AMTN: variants seen among roughly 807,000 people sequenced by gnomAD.
The protein encoded by AMTN is amelotin.
Under a neutral mutation model 27.4 loss-of-function variants are expected in AMTN, and 29 were observed. The observed-to-expected ratio is 1.06, with a 90% CI of 0.79 to 1.44. AMTN has a LOEUF of 1.44. Among genes scored for constraint, AMTN ranks in the 40% most tolerant of loss-of-function variants. The pLI is 0.00. For synonymous variants in AMTN, 86 were observed against 95.7 expected, an observed-to-expected ratio of 0.90 and a Z score of 0.59; for missense variants, 247 against 248.8, an observed-to-expected ratio of 0.99 and a Z score of 0.05.
At chr4:70,528,009 T>C (rs1313555679) in intron 5 of AMTN, among the ~76,000 whole-genome samples, 3 of 152,208 alleles carry the variant, frequency 2.0e-5, no homozygotes, top group African/African-American at 4.8e-5. Context: ...ACTAAGTATA[T>C]ATACCTCAAG....
intron 2 of AMTN, among the ~76,000 whole-genome samples, chr4:70,520,171 G>A (rs1282837278): frequency 6.6e-6 from 1 of 152,204 alleles, no homozygotes; most frequent in East Asian, 1.9e-4. Flanking sequence ...GGTGGGCTGA[G>A]GTGGAGCAGG....
intron 2 of AMTN, among the ~76,000 whole-genome samples, chr4:70,519,126 T>A (rs911659491): frequency 1.3e-5 from 2 of 152,232 alleles, no homozygotes; most frequent in African/African-American, 4.8e-5. Flanking sequence ...AGTGGATGAT[T>A]ATTTTATTTT....
At chr4:70,526,674 T>TCTAAC (rs1414579834) in intron 5 of AMTN, among the ~76,000 whole-genome samples, 2 of 152,324 alleles carry the variant, frequency 1.3e-5, no homozygotes, top group Admixed American at 6.5e-5. Context: ...GTTGCCCTCC[T>TCTAAC]CTAACCTTGA....
At chr4:70,530,580 A>G (rs1397208607) in intron 7 of AMTN, among the ~76,000 whole-genome samples, 3 of 152,200 alleles carry the variant, frequency 2.0e-5, no homozygotes, top group African/African-American at 7.2e-5. Flanking sequence ...GAAAAACTCC[A>G]ATAGACAGGA....
chr4:70,531,362 G>T (rs1230779311), intron 8 of AMTN, 62 bp downstream of exon 8: 3 of 1,594,208 alleles, frequency 1.9e-6, no homozygotes, highest in East Asian at 2.2e-5. Context: ...GAATGGAAAA[G>T]AGGAGTTCTT....
At chr4:70,528,808 A>T in intron 6 of AMTN, 50 bp downstream of exon 6, 1 of 1,485,850 alleles carries the variant, frequency 6.7e-7, no homozygotes, top group Non-Finnish European at 9.1e-7. Context: ...CTTGCTGTGA[A>T]AGGTGATTTT....
At position 70,524,034 on chromosome 4, in the gene AMTN, A is replaced by C. The variant is rs996032212; in HGVS notation, c.204+101A>C. ...TGTATATGGGTGCGTATATCCACAA[A>C]TGAAAACACACATATACTTATTCAC... is the stretch of plus-strand genomic sequence containing the variant. On this transcript the variant is annotated intron_variant, in intron 4 of 8. Coordinates refer to ENST00000339336, the MANE Select transcript of AMTN (RefSeq NM_212557.4). The C allele has an allele frequency of 3.4e-5, 31 of 900,524 alleles. No individual in the cohort carries two copies. The South Asian group carries it at 4.8e-4, about 14-fold the overall frequency. 55.8% of individuals were successfully genotyped at this position (900,524 alleles called of 1,614,324 possible). A position where few individuals can be genotyped will look rare whatever the true frequency, so the allele number is the denominator to read the frequency against.
chr4:70,524,881 G>A lies in AMTN; in HGVS notation c.214G>A (p.Ala72Thr). The A allele has an allele frequency of 6.2e-7, 1 of 1,613,950 alleles. No homozygotes were observed. The highest frequency in any genetic ancestry group is 8.5e-7 in the Non-Finnish European group (1 of 1,179,938). The change falls in exon 5 of 9, where the codon GCT becomes ACT. Residue 72 changes from alanine (A) to threonine (T), a missense_variant. Coordinates refer to ENST00000339336, the MANE Select transcript of AMTN (RefSeq NM_212557.4). The part of the protein sequence containing the change: ...LGPDLHLLNP[A>T]AGMTPGTQTH... ...CTTCCTTGCCCTACAGTTAAATCCTGCTGCAGGAATGACACCTGGTACCCA... is the reference window on the plus strand; with the variant it reads ...CTTCCTTGCCCTACAGTTAAATCCTACTGCAGGAATGACACCTGGTACCCA...
intron 3 of AMTN, 107 bp downstream of exon 3, chr4:70,522,945 T>G (rs1736013669): frequency 2.7e-6 from 3 of 1,097,672 alleles, no homozygotes; most frequent in South Asian, 1.4e-5. Flanking sequence ...AAAATCAAAA[T>G]TTACATGAAG....
chr4:70,521,713 G>C (rs368233631), intron 2 of AMTN, among the ~76,000 whole-genome samples: 1 of 114,624 alleles, frequency 8.7e-6, no homozygotes, highest in Non-Finnish European at 1.6e-5. Context: ...TCTGGCTCCC[G>C]GGTTCAAGTG....
intron 2 of AMTN, 53 bp downstream of exon 2, chr4:70,518,884 G>A: frequency 7.1e-7 from 1 of 1,408,440 alleles, no homozygotes. Context: ...AGCATCTCTA[G>A]CTGCAGACCT....
intron 2 of AMTN, among the ~76,000 whole-genome samples, chr4:70,519,248 C>T (rs891889351): frequency 6.6e-6 from 1 of 152,040 alleles, no homozygotes; most frequent in African/African-American, 2.4e-5. Context: ...TGTATAAATT[C>T]TAAAAAGACC....
At chr4:70,523,765 C>A in intron 3 of AMTN, 103 bp from the exon 4 acceptor site, 1 of 1,002,018 alleles carries the variant, frequency 1.0e-6, no homozygotes, top group Non-Finnish European at 1.5e-6. Context: ...CATGGTAAAC[C>A]CACCTCTGAC....
chr4:70,528,804 G>A (rs1460380794), intron 6 of AMTN, 46 bp downstream of exon 6: 4 of 1,488,220 alleles, frequency 2.7e-6, no homozygotes, highest in Admixed American at 2.1e-5. Context: ...TCACCTTGCT[G>A]TGAAAGGTGA....
intron 4 of AMTN, among the ~76,000 whole-genome samples, chr4:70,524,454 T>G (rs1306946199): frequency 6.6e-6 from 1 of 152,238 alleles, no homozygotes; most frequent in Non-Finnish European, 1.5e-5. Flanking sequence ...ATATAGCTCA[T>G]GTTCCAGACA....
intron 2 of AMTN, among the ~76,000 whole-genome samples, chr4:70,521,429 A>T (rs2109769182): frequency 6.7e-6 from 1 of 148,736 alleles, no homozygotes; most frequent in South Asian, 2.1e-4. Flanking sequence ...AAAAATTGGT[A>T]GTCATTGCAG....
At chr4:70,523,012 G>T (rs139939210) in intron 3 of AMTN, among the ~76,000 whole-genome samples, 174 bp downstream of exon 3, 1 of 152,154 alleles carries the variant, frequency 6.6e-6, no homozygotes, top group African/African-American at 2.4e-5. Flanking sequence ...GAAAAGAACC[G>T]ATATAATTTT....
intron 6 of AMTN, 78 bp downstream of exon 6, chr4:70,528,836 G>T: frequency 8.0e-7 from 1 of 1,253,060 alleles, no homozygotes; most frequent in Admixed American, 2.5e-5. Flanking sequence ...CAATTCACTA[G>T]ATAGTTGTGA....
chr4:70,523,607 T>C (rs1422527561), intron 3 of AMTN, among the ~76,000 whole-genome samples: 1 of 152,192 alleles, frequency 6.6e-6, no homozygotes, highest in Admixed American at 6.5e-5. Flanking sequence ...GAAATAAATA[T>C]TTATAATGTG....
Sources: allele counts gnomAD v4.1 joint callset (sites outside exome capture counted in the v4.1 genomes callset), GRCh38; gene constraint gnomAD v4.1.1; transcripts MANE v1.5; gene names NCBI Gene and HGNC (gene_info 2026-07-23, HGNC 2026-07-21).